PLD2: variants seen among roughly 807,000 people sequenced by gnomAD.
PLD2 encodes choline phosphatase 2.
In PLD2, 101 loss-of-function variants were observed where a neutral mutation model predicts 119.8. That is an observed-to-expected ratio of 0.84 (90% CI 0.72 to 0.99). PLD2 has a LOEUF of 0.99. Among genes scored for constraint, PLD2 ranks in the 50% least tolerant of loss-of-function variants. The pLI, the probability that PLD2 is intolerant of heterozygous loss-of-function variation, is 0.00. For synonymous variants in PLD2, 494 were observed against 482.8 expected (o/e 1.02, Z -0.30); for missense variants, 1,164 against 1,226.8 (o/e 0.95, Z 0.76).
chr17:4,808,204 G>A lies in PLD2; in HGVS notation c.241-70G>A, dbSNP rs1906070759. ...GGCTGGCCCCAGGGAAGGGGCAAAA[G>A]GAGGGCTGGCCAGAGTGGGGAGGCG... On this transcript the variant is annotated intron_variant, in intron 3 of 24. Transcript: ENST00000263088. The surrounding 1 kb of genome is among the most constrained non-coding windows in gnomAD (Gnocchi z 4.1). 6.3e-7 allele frequency: 1 copy of A among 1,594,246 alleles called. No individual in the cohort carries two copies. The highest frequency in any genetic ancestry group is 1.1e-5 in the South Asian group (1 of 89,010).
chr17:4,811,160 T>A (rs1906424669), intron 10 of PLD2, among the ~76,000 whole-genome samples: 2 of 152,098 alleles, frequency 1.3e-5, no homozygotes, highest in South Asian at 4.1e-4. Context: ...CCAAACTTGG[T>A]CATCTCTTCT....
chr17:4,818,253 C>T, intron 18 of PLD2, 44 bp from the exon 19 acceptor site: 1 of 1,560,728 alleles, frequency 6.4e-7, no homozygotes, highest in South Asian at 1.1e-5. Flanking sequence ...GAGGACAGGG[C>T]CAGGGGCCAG....
At chr17:4,809,604 C>T in intron 7 of PLD2, 53 bp downstream of exon 7, 2 of 1,608,868 alleles carry the variant, frequency 1.2e-6, no homozygotes, top group Middle Eastern at 3.3e-4. Flanking sequence ...CTCTTAATTT[C>T]TCCCTGCCTG....
chr17:4,808,355 C>T lies in PLD2; in HGVS notation c.322C>T (p.Gln108Ter). ...WTTKKKYRHF[Q>*]ELHRDLLRHK... ...AACCAAGAAGAAATACCGTCATTTT[C>T]AGGAGCTGCATCGGGACCTCCTGAG... Residue 108 changes from glutamine to a stop codon, truncating the protein, a stop_gained, in exon 4 of 25, where the codon CAG (glutamine) becomes TAG (stop). Transcript: ENST00000263088. LOFTEE classifies it high-confidence loss of function. The surrounding 1 kb of genome is among the most constrained non-coding windows in gnomAD (Gnocchi z 4.1). 1 of 1,614,070 alleles carries T rather than the reference C, an allele frequency of 6.2e-7. No individual in the cohort carries two copies. The highest frequency in any genetic ancestry group is 8.5e-7 in the Non-Finnish European group (1 of 1,179,956).
Position 4,809,896 on chromosome 17 carries a change from T to C in PLD2, c.727T>C (p.Ser243Pro), listed in dbSNP as rs913767561. Residue 243 changes from serine (S) to proline (P), a missense_variant, in exon 9 of 25, where the codon TCC becomes CCC. Coordinates refer to ENST00000263088, the MANE Select transcript of PLD2 (RefSeq NM_002663.5). ...WSKRWLVVKD[S>P]FLLYMCLETG... The stretch of plus-strand genomic sequence containing the variant: ...CTCTAGGTGGCTGGTGGTGAAGGAC[T>C]CCTTCCTGCTGTACATGTGCCTCGA... 4 of 1,614,058 alleles carry C rather than the reference T, an allele frequency of 2.5e-6. No individual in the cohort carries two copies. In the African/African-American group the frequency reaches 5.3e-5, roughly 22 times the overall value.
At chr17:4,813,581 C>A (rs1466464334) in intron 10 of PLD2, among the ~76,000 whole-genome samples, 1 of 152,066 alleles carries the variant, frequency 6.6e-6, no homozygotes, top group Non-Finnish European at 1.5e-5. Flanking sequence ...TACTGCTGAC[C>A]AGTCGCTTTG....
In PLD2 at chr17:4,807,959, ACTC is replaced by A. The variant is rs773436959; in HGVS notation, c.110-21_110-19del. 6.2e-7 allele frequency: 1 copy of A among 1,605,530 alleles called. No individual in the cohort carries two copies. The highest frequency in any genetic ancestry group is 8.5e-7 in the Non-Finnish European group (1 of 1,173,474). On this transcript the variant is annotated intron_variant, in intron 2 of 24. Coordinates refer to ENST00000263088, the MANE Select transcript of PLD2 (RefSeq NM_002663.5). This position sits in a 1 kb window ranked among gnomAD's most constrained non-coding sequence, Gnocchi z 5.4. ...GGGGCTGGGGCCTGTTGTGGTCTAC[ACTC>A]CTCGACTTTCTTTCCTCCCAGCCGA...
Position 4,819,105 on chromosome 17 carries a change from A to G in PLD2, c.2195A>G (p.Tyr732Cys), listed in dbSNP as rs1157647266. The G allele has an allele frequency of 1.2e-6, 2 of 1,614,186 alleles. No individual in the cohort carries two copies. Among genetic ancestry groups the G allele is most frequent in the Non-Finnish European group, 1.7e-6 (2 of 1,180,028 alleles). ...KAAMGTAWRDYISICGLRTHG... is the reference protein window; with the variant it reads ...KAAMGTAWRDCISICGLRTHG... Reference sequence around the variant, plus strand: ...GCAGTGGGGACAGCATGGCGGGACTATATTTCCATCTGCGGGCTTCGTACA... The same window carrying G: ...GCAGTGGGGACAGCATGGCGGGACTGTATTTCCATCTGCGGGCTTCGTACA... Residue 732 changes from tyrosine (Y) to cysteine (C), a missense_variant, in exon 22 of 25, where the codon TAT becomes TGT. Physicochemically the swap from Tyr to Cys is radical, Grantham distance 194. Coordinates refer to ENST00000263088, the MANE Select transcript of PLD2 (RefSeq NM_002663.5). This position sits in a 1 kb window ranked among gnomAD's most constrained non-coding sequence, Gnocchi z 4.2.
chr17:4,818,517 A>G lies in PLD2; in HGVS notation c.2033A>G (p.Tyr678Cys). 1.9e-6 allele frequency: 3 copies of G among 1,613,886 alleles called. No individual in the cohort carries two copies. Among genetic ancestry groups the G allele is most frequent in the Non-Finnish European group, 2.5e-6 (3 of 1,179,844 alleles). Residue 678 changes from tyrosine to cysteine, a missense_variant, in exon 20 of 25, where the codon TAC (tyrosine) becomes TGC (cysteine). Coordinates refer to ENST00000263088, the MANE Select transcript of PLD2 (RefSeq NM_002663.5). ...AHKQGWCYRV[Y>C]VLLPLLPGFE... ...AGACAGGGGTGGTGTTACCGAGTCT[A>G]CGTGCTTTTGCCCTTACTCCCTGGC...
intron 10 of PLD2, among the ~76,000 whole-genome samples, chr17:4,813,636 G>A (rs545961673): frequency 6.6e-6 from 1 of 152,298 alleles, no homozygotes; most frequent in Non-Finnish European, 1.5e-5. Context: ...GAGGCGGGTA[G>A]ATCATTGGGG....
At position 4,816,994 on chromosome 17, in the gene PLD2, T is replaced by C; in HGVS notation, c.1640T>C (p.Val547Ala). 1 of 1,614,014 alleles carries C rather than the reference T, an allele frequency of 6.2e-7. No individual in the cohort carries two copies. The highest frequency in any genetic ancestry group is 8.5e-7 in the Non-Finnish European group (1 of 1,179,958). ...RMPWRDVGVV[V>A]HGLPARDLAR... is the part of the protein sequence containing the mutation. Reference sequence around the variant, plus strand: ...CCATGGCGGGACGTTGGGGTGGTCGTCCATGGCCTACCGGCCCGGGACCTT... The same window carrying C: ...CCATGGCGGGACGTTGGGGTGGTCGCCCATGGCCTACCGGCCCGGGACCTT... Residue 547 changes from valine to alanine, a missense_variant, in exon 16 of 25, where the codon GTC becomes GCC. By Grantham distance (64) the Val-to-Ala change is moderately conservative. Transcript: ENST00000263088.
intron 9 of PLD2, 144 bp downstream of exon 9, chr17:4,810,173 G>A (rs1404988305): frequency 1.2e-5 from 10 of 821,742 alleles, no homozygotes; most frequent in Non-Finnish European, 1.7e-5. Flanking sequence ...CCAGGAACTG[G>A]TCTAGCCAGA....
chr17:4,816,246 G>A (rs1416328350), intron 14 of PLD2, among the ~76,000 whole-genome samples: 1 of 152,100 alleles, frequency 6.6e-6, no homozygotes, highest in South Asian at 2.1e-4. Context: ...AGCTGGGCAT[G>A]GTGGCAGTTG....
Position 4,816,632 on chromosome 17 carries a change from C to T in PLD2, c.1468C>T (p.Arg490Cys), listed in dbSNP as rs115426183. Residue 490 changes from arginine (R) to cysteine (C), a missense_variant, in exon 15 of 25, where the codon CGC becomes TGC. Transcript: ENST00000263088. ...GTTCCCCCTACAGCCTCCCACCCCG[C>T]GCCCAGACTCACCAGCCACCCCAGA... ...ESAASQPPTP[R>C]PDSPATPDLS... The T allele has an allele frequency of 8.6e-4, 1,394 of 1,614,020 alleles. 7 individuals are homozygous for T. The African/African-American group carries it at 8.9e-3, about 10-fold the overall frequency.
Position 4,807,984 on chromosome 17 carries a change from C to A in PLD2, c.110C>A (p.Ala37Asp). ...VDTLKEGEDP[A>D]DRMHPFLAIY... ...ACTCCTCGACTTTCTTTCCTCCCAGCCGACCGGATGCACCCGTTTCTGGCC... is the reference window on the plus strand; with the variant it reads ...ACTCCTCGACTTTCTTTCCTCCCAGACGACCGGATGCACCCGTTTCTGGCC... The change falls in exon 3 of 25, where the codon GCC becomes GAC. Residue 37 changes from alanine (A) to aspartate (D), a missense_variant and splice_region_variant. Physicochemically the swap from Ala to Asp is moderately radical, Grantham distance 126. Coordinates refer to ENST00000263088, the MANE Select transcript of PLD2 (RefSeq NM_002663.5). The surrounding 1 kb of genome is among the most constrained non-coding windows in gnomAD (Gnocchi z 5.4). The A allele has an allele frequency of 6.2e-7, 1 of 1,607,392 alleles. No individual in the cohort carries two copies. The highest frequency in any genetic ancestry group is 8.5e-7 in the Non-Finnish European group (1 of 1,174,564).
chr17:4,814,514 A>C lies in PLD2; in HGVS notation c.1094+13A>C, dbSNP rs887893795. 3.1e-6 allele frequency: 5 copies of C among 1,612,506 alleles called. No homozygotes were observed. The highest frequency in any genetic ancestry group is 4.2e-6 in the Non-Finnish European group (5 of 1,179,332). ...TCACAGACTGGTGGTGAGTGGGAAA[A>C]GGCCCCAACAACATGGGGCAGGATA... is the stretch of plus-strand genomic sequence containing the variant. On this transcript the variant is annotated intron_variant, in intron 11 of 24. Coordinates refer to ENST00000263088, the MANE Select transcript of PLD2 (RefSeq NM_002663.5).
In PLD2 at chr17:4,815,598, C is replaced by A; in HGVS notation, c.1284+12C>A. The A allele has an allele frequency of 1.9e-6, 3 of 1,597,186 alleles. No homozygotes were observed. The highest frequency in any genetic ancestry group is 2.6e-6 in the Non-Finnish European group (3 of 1,164,972). ...ACCCCAACATAAAGGTGACTCTCGG[C>A]CTCAGAGACCCTCCCACATGACAGC... On this transcript the variant is annotated intron_variant, in intron 13 of 24. Coordinates refer to ENST00000263088, the MANE Select transcript of PLD2 (RefSeq NM_002663.5).
At chr17:4,816,826 G>T in intron 15 of PLD2, 80 bp downstream of exon 15, 1 of 1,605,378 alleles carries the variant, frequency 6.2e-7, no homozygotes, top group Non-Finnish European at 8.5e-7. Flanking sequence ...AGTGGGATGA[G>T]AGGGGTCAAC....
rs1247708536 is a variant in PLD2, at chr17:4,811,065, C to T, written c.1010+114C>T. 34 of 949,436 alleles carry T rather than the reference C, an allele frequency of 3.6e-5. 1 individual carries two copies. The highest frequency in any genetic ancestry group is 2.7e-4 in the South Asian group (16 of 59,536). 58.8% of individuals were successfully genotyped at this position (949,436 alleles called of 1,614,324 possible). On this transcript the variant is annotated intron_variant, in intron 10 of 24. Transcript: ENST00000263088. ...CTGAACCCTCCTGACCTCAATGACC[C>T]GCCCCGTGACTTCTTTAATCTTCCT...
Sources: gnomAD v4.1 joint callset for allele counts (sites outside exome capture counted in the v4.1 genomes callset) on GRCh38, gnomAD v4.1.1 for gene constraint, Gnocchi (gnomAD v3.1) non-coding constraint, MANE v1.5 for transcripts, NCBI Gene and HGNC (gene_info 2026-07-23, HGNC 2026-07-21) for gene names.